The following HNRNPLL variants were observed in gnomAD, a reference collection of about 807,000 sequenced individuals.
HNRNPLL encodes heterogeneous nuclear ribonucleoprotein L-like.
A neutral mutation model predicts 67.1 loss-of-function variants in HNRNPLL; 25 were observed. That is an observed-to-expected ratio of 0.37 (90% confidence interval 0.27 to 0.52). The LOEUF (loss-of-function observed/expected upper bound fraction) is 0.52. HNRNPLL is among the 20% of genes least tolerant of loss of function. The pLI is 0.90. For missense variants in HNRNPLL, 542 were observed against 673.9 expected, an observed-to-expected ratio of 0.80 and a Z score of 2.17; for synonymous variants, 267 against 241.7, an observed-to-expected ratio of 1.10 and a Z score of -0.97.
In HNRNPLL at chr2:38,573,037, T is replaced by C. The variant is rs1300338403; in HGVS notation, c.1092+173A>G. On this transcript the variant is annotated intron_variant, in intron 8 of 12. Coordinates refer to ENST00000449105, the MANE Select transcript of HNRNPLL (RefSeq NM_138394.4). ...GTATCAACAACCTATACTTATTACT[T>C]ATCAACAAAAAACATTTTCCAGAGT... Among the ~76,000 whole-genome samples, 3 of 151,984 alleles carry C rather than the reference T, an allele frequency of 2.0e-5. No homozygotes were observed. In the East Asian group the frequency reaches 5.8e-4, roughly 29 times the overall value.
intron 1 of HNRNPLL, among the ~76,000 whole-genome samples, chr2:38,594,478 G>C (rs1433049449): frequency 6.6e-6 from 1 of 151,986 alleles, no homozygotes; most frequent in Non-Finnish European, 1.5e-5. Context: ...GGGGAAAAAA[G>C]TATGTATATA....
chr2:38,601,282 C>T (rs1415063890), intron 1 of HNRNPLL, among the ~76,000 whole-genome samples: 1 of 152,156 alleles, frequency 6.6e-6, no homozygotes, highest in Non-Finnish European at 1.5e-5. Flanking sequence ...AACTGCAACG[C>T]TGGGTGACTG....
intron 1 of HNRNPLL, among the ~76,000 whole-genome samples, chr2:38,600,993 C>T (rs1374268083): frequency 6.6e-6 from 1 of 152,132 alleles, no homozygotes; most frequent in Non-Finnish European, 1.5e-5. Context: ...TGCACAAAAA[C>T]CCAAGCAAGA....
chr2:38,591,651 A>T lies in HNRNPLL; in HGVS notation c.190-3T>A. ...TTATGATGACTTCCACCTGCCTCCTAGCAAGAGAAAATAATTTCTAGTTAA... is the reference window on the plus strand; with the variant it reads ...TTATGATGACTTCCACCTGCCTCCTTGCAAGAGAAAATAATTTCTAGTTAA... On this transcript the variant is annotated splice_region_variant and splice_polypyrimidine_tract_variant and intron_variant, in intron 1 of 12. Coordinates refer to ENST00000449105, the MANE Select transcript of HNRNPLL (RefSeq NM_138394.4). 6.3e-7 allele frequency: 1 copy of T among 1,593,836 alleles called. No homozygotes were observed. The highest frequency in any genetic ancestry group is 8.6e-7 in the Non-Finnish European group (1 of 1,161,954).
At chr2:38,583,141 CTCTA>C in intron 4 of HNRNPLL, among the ~76,000 whole-genome samples, 2 of 152,096 alleles carry the variant, frequency 1.3e-5, no homozygotes, top group Admixed American at 1.3e-4. Context: ...TTTTATAATA[CTCTA>C]TCTAAAATTT....
At chr2:38,574,640 T>C (rs1666228905) in intron 7 of HNRNPLL, among the ~76,000 whole-genome samples, 2 of 151,812 alleles carry the variant, frequency 1.3e-5, no homozygotes, top group South Asian at 4.1e-4. Flanking sequence ...TTCTAACAGC[T>C]GCCATTCATA....
intron 7 of HNRNPLL, among the ~76,000 whole-genome samples, chr2:38,575,542 C>T (rs897876852): frequency 6.6e-6 from 1 of 151,818 alleles, no homozygotes; most frequent in African/African-American, 2.4e-5. Flanking sequence ...ATCATTAAGT[C>T]TGGGCTTCCC....
intron 4 of HNRNPLL, 130 bp from the exon 5 acceptor site, chr2:38,582,298 G>A: frequency 2.8e-6 from 2 of 709,248 alleles, no homozygotes; most frequent in Non-Finnish European, 2.4e-6. Flanking sequence ...ATTTCAGGAT[G>A]AATTTTAAGA....
chr2:38,574,433 C>G (rs1486882396), intron 7 of HNRNPLL, among the ~76,000 whole-genome samples: 1 of 151,850 alleles, frequency 6.6e-6, no homozygotes, highest in Admixed American at 6.6e-5. Context: ...AAAGGTCCCC[C>G]TGATGTGCAA....
chr2:38,594,491 T>C (rs1431399634), intron 1 of HNRNPLL, among the ~76,000 whole-genome samples: 1 of 152,060 alleles, frequency 6.6e-6, no homozygotes, highest in Non-Finnish European at 1.5e-5. Flanking sequence ...TGTATATAAA[T>C]ATAGATATGC....
intron 6 of HNRNPLL, chr2:38,581,318 A>C (rs905630418): frequency 1.3e-5 from 2 of 152,536 alleles, no homozygotes; most frequent in Admixed American, 1.3e-4. Flanking sequence ...ATATACATAC[A>C]ACTTGTATAA....
chr2:38,593,670 C>T (rs1233493964), intron 1 of HNRNPLL, among the ~76,000 whole-genome samples: 1 of 152,116 alleles, frequency 6.6e-6, no homozygotes, highest in Non-Finnish European at 1.5e-5. Flanking sequence ...AGGTGGATCA[C>T]AAGATCAGGA....
At chr2:38,586,060 C>T (rs149856187) in intron 2 of HNRNPLL, among the ~76,000 whole-genome samples, 179 bp from the exon 3 acceptor site, 3 of 148,208 alleles carry the variant, frequency 2.0e-5, no homozygotes, top group South Asian at 2.1e-4. Flanking sequence ...CTTTCTCTGT[C>T]GCCCAGGCTG....
At chr2:38,577,437 C>G in intron 7 of HNRNPLL, 24 bp downstream of exon 7, 1 of 1,443,954 alleles carries the variant, frequency 6.9e-7, no homozygotes, top group Non-Finnish European at 9.7e-7. Flanking sequence ...TCTATACTAC[C>G]TTCTTTCTAC....
At chr2:38,595,014 T>C (rs145671684) in intron 1 of HNRNPLL, among the ~76,000 whole-genome samples, 5,205 of 151,822 alleles carry the variant, frequency 0.034, 124 homozygotes, top group South Asian at 0.081. Context: ...TGGTGGCTCA[T>C]GCCTGTAATC....
chr2:38,602,659 G>A lies in HNRNPLL; in HGVS notation c.-33C>T. ...GCCGGAGGGACCGGCTGGCAGGCGG[G>A]TGGGGGTGGCGGTGGGGCGCGCGCC... On this transcript the variant is annotated 5_prime_UTR_variant, in exon 1 of 13. Coordinates refer to ENST00000449105, the MANE Select transcript of HNRNPLL (RefSeq NM_138394.4). 2 of 1,473,174 alleles carry A rather than the reference G, an allele frequency of 1.4e-6. No homozygotes were observed. Among genetic ancestry groups the A allele is most frequent in the Admixed American group, 2.7e-5 (1 of 37,642 alleles). 91.3% of individuals were successfully genotyped at this position (1,473,174 alleles called of 1,614,324 possible). A position where few individuals can be genotyped will look rare whatever the true frequency, so the allele number is the denominator to read the frequency against.
chr2:38,595,016 C>T (rs989303626), intron 1 of HNRNPLL, among the ~76,000 whole-genome samples: 2 of 151,906 alleles, frequency 1.3e-5, no homozygotes, highest in Non-Finnish European at 2.9e-5. Flanking sequence ...GTGGCTCATG[C>T]CTGTAATCCT....
intron 12 of HNRNPLL, among the ~76,000 whole-genome samples, chr2:38,567,265 G>T (rs1392414549): frequency 6.6e-6 from 1 of 150,458 alleles, no homozygotes; most frequent in African/African-American, 2.5e-5. Context: ...ACCACGCCAG[G>T]TTAATTTTTT....
chr2:38,591,124 T>C (rs1002219739), intron 2 of HNRNPLL, among the ~76,000 whole-genome samples: 1 of 152,210 alleles, frequency 6.6e-6, no homozygotes, highest in African/African-American at 2.4e-5. Flanking sequence ...AATTCCTAAA[T>C]ATTCCAAAAT....
Sources: allele counts gnomAD v4.1 joint callset (sites outside exome capture counted in the v4.1 genomes callset), GRCh38; gene constraint gnomAD v4.1.1; transcripts MANE v1.5; gene names NCBI Gene and HGNC (gene_info 2026-07-23, HGNC 2026-07-21).